ERBB3: variants seen among roughly 807,000 people sequenced by gnomAD.
ERBB3 encodes receptor tyrosine-protein kinase erbB-3.
In ERBB3, 96 loss-of-function variants were observed where a neutral mutation model predicts 156.7. The observed-to-expected ratio is 0.61, with a 90% confidence interval of 0.52 to 0.73. The LOEUF (loss-of-function observed/expected upper bound fraction) is 0.73, where lower values mean the gene tolerates loss of function less well. ERBB3 is among the 30% of genes least tolerant of loss of function. The probability of loss-of-function intolerance (pLI) is 0.00; values close to 1 mark genes in which losing one functional copy is unlikely to be tolerated. For missense variants in ERBB3, 1,406 were observed against 1,709.4 expected, an observed-to-expected ratio of 0.82 and a Z score of 3.13; for synonymous variants, 567 against 632.0, an observed-to-expected ratio of 0.90 and a Z score of 1.54.
rs2136788551 is a variant in ERBB3, at chr12:56,085,141, C to G, written c.381C>G (p.Ser127=). The part of the protein sequence containing the change: ...IFVMLNYNTN[S]SHALRQLRLT... ...TCATGTTGAACTATAACACCAACTCCAGCCACGCTCTGCGCCAGCTCCGCT... is the reference window on the plus strand; with the variant it reads ...TCATGTTGAACTATAACACCAACTCGAGCCACGCTCTGCGCCAGCTCCGCT... Residue 127 remains serine, a synonymous_variant, in exon 3 of 28, where the codon TCC becomes TCG. Coordinates refer to ENST00000267101, the MANE Select transcript of ERBB3 (RefSeq NM_001982.4). The G allele has an allele frequency of 1.2e-6, 2 of 1,614,096 alleles. No individual in the cohort carries two copies. The highest frequency in any genetic ancestry group is 1.7e-6 in the Non-Finnish European group (2 of 1,180,000).
rs1335319476 is a variant in ERBB3, at chr12:56,102,396, A to C, written c.*341A>C. On this transcript the variant is annotated 3_prime_UTR_variant, in exon 28 of 28. Transcript: ENST00000267101. ...CTCAGGCTCTTGACTACTTGGAACT[A>C]GGCTCTTATGTGTGCCTTTGTTTCC... 1 of 332,650 alleles carries C rather than the reference A, an allele frequency of 3.0e-6. No homozygotes were observed. 20.6% of individuals were successfully genotyped at this position (332,650 alleles called of 1,614,324 possible). A position where few individuals can be genotyped will look rare whatever the true frequency, so the allele number is the denominator to read the frequency against.
chr12:56,086,063 CAAA>C (rs56926853), intron 3 of ERBB3, among the ~76,000 whole-genome samples: 44,815 of 89,474 alleles, frequency 0.5, 9,897 homozygotes, highest in East Asian at 0.71. Flanking sequence ...AGCGAGACTC[CAAA>C]AAAAAAAAAA....
chr12:56,087,368 G>T (rs1448959873), intron 4 of ERBB3, among the ~76,000 whole-genome samples: 3 of 152,180 alleles, frequency 2.0e-5, no homozygotes, highest in Admixed American at 6.5e-5. Flanking sequence ...CCCTTCAGCT[G>T]CCCAGTGGGT....
intron 21 of ERBB3, chr12:56,098,292 C>G (rs907679755): frequency 1.2e-4 from 70 of 586,692 alleles, no homozygotes; most frequent in East Asian, 3.3e-4. Context: ...TGCATCTGTA[C>G]TCCCAGCTAC....
Position 56,103,408 on chromosome 12 carries a change from C to T in ERBB3, c.*1353C>T. ...AGCTTCAGCTGCACACCTCTGTCCCCTTGGATGGGGAACTAAGGGAAAACG... is the reference window on the plus strand; with the variant it reads ...AGCTTCAGCTGCACACCTCTGTCCCTTTGGATGGGGAACTAAGGGAAAACG... On this transcript the variant is annotated 3_prime_UTR_variant, in exon 28 of 28. Transcript: ENST00000267101. The T allele has an allele frequency of 4.6e-6, 1 of 216,296 alleles. No individual in the cohort carries two copies. The allele number at this position is 216,296 out of a possible 1,614,324, so 13.4% of individuals were successfully genotyped here.
In ERBB3 at chr12:56,099,688, A is replaced by G. The variant is rs1268984948; in HGVS notation, c.2880A>G (p.Glu960=). 1.9e-6 allele frequency: 3 copies of G among 1,614,080 alleles called. No homozygotes were observed. The highest frequency in any genetic ancestry group is 2.5e-6 in the Non-Finnish European group (3 of 1,180,032). The change falls in exon 24 of 28, where the codon GAA becomes GAG. Residue 960 remains glutamate (E), a synonymous_variant. Coordinates refer to ENST00000267101, the MANE Select transcript of ERBB3 (RefSeq NM_001982.4). The stretch of plus-strand genomic sequence containing the variant: ...AGAACATTCGCCCAACCTTTAAAGA[A>G]CTAGCCAATGAGTTCACCAGGATGG... ...IDENIRPTFK[E]LANEFTRMAR...
At chr12:56,086,757 G>A (rs1868501777) in intron 4 of ERBB3, 101 bp downstream of exon 4, 14 of 1,428,126 alleles carry the variant, frequency 9.8e-6, no homozygotes, top group Middle Eastern at 2.1e-4. Context: ...CGCCTCCCCA[G>A]TGAACAAACA....
At chr12:56,086,436 T>G in intron 3 of ERBB3, 95 bp from the exon 4 acceptor site, 1 of 1,443,106 alleles carries the variant, frequency 6.9e-7, no homozygotes, top group Non-Finnish European at 9.7e-7. Flanking sequence ...ATTCTCCCAC[T>G]CCTGAGTCTC....
intron 1 of ERBB3, among the ~76,000 whole-genome samples, chr12:56,082,346 G>C (rs1456441895): frequency 6.6e-6 from 1 of 152,144 alleles, no homozygotes. Context: ...GCCAGGAAGG[G>C]GATTGGGGTG....
chr12:56,081,900 C>T (rs1208906107), intron 1 of ERBB3, among the ~76,000 whole-genome samples: 1 of 152,094 alleles, frequency 6.6e-6, no homozygotes, highest in Non-Finnish European at 1.5e-5. Context: ...CCTATGCTCC[C>T]GGTTCCTGGG....
intron 13 of ERBB3, 69 bp from the exon 14 acceptor site, chr12:56,094,030 G>T: frequency 6.4e-7 from 1 of 1,558,890 alleles, no homozygotes; most frequent in African/African-American, 1.4e-5. Context: ...GAGACCTGTG[G>T]TTGTGAGATC....
At position 56,095,810 on chromosome 12, in the gene ERBB3, A is replaced by G. The variant is rs751355083; in HGVS notation, c.2055+4A>G. 12 of 1,614,146 alleles carry G rather than the reference A, an allele frequency of 7.4e-6. No individual in the cohort carries two copies. The South Asian group carries it at 9.9e-5, about 13-fold the overall frequency. On this transcript the variant is annotated splice_donor_region_variant and intron_variant, in intron 17 of 27. Coordinates refer to ENST00000267101, the MANE Select transcript of ERBB3 (RefSeq NM_001982.4). Reference sequence around the variant, plus strand: ...GCGATACTTGGAACGGGGTGAGGTGAGTACTTAGCTTACTTTTGTTTTTTC... The same window carrying G: ...GCGATACTTGGAACGGGGTGAGGTGGGTACTTAGCTTACTTTTGTTTTTTC...
In ERBB3 at chr12:56,102,035, GC is replaced by G. The variant is rs1390679869; in HGVS notation, c.4010del (p.Ala1337ValfsTer18). The stretch of plus-strand genomic sequence containing the variant: ...CTGGCATAGCAGGCTTTTCCCCAAG[GC>G]TAATGCCCAGAGAACGTAACTCCTG... The part of the protein sequence containing the change: ...DYWHSRLFPK[A>X]NAQRT On this transcript the variant is annotated frameshift_variant, in exon 28 of 28. Transcript: ENST00000267101. LOFTEE classifies it high-confidence loss of function. 1 of 1,610,528 alleles carries G rather than the reference GC, an allele frequency of 6.2e-7. No homozygotes were observed. Among genetic ancestry groups the G allele is most frequent in the African/African-American group, 1.3e-5 (1 of 74,786 alleles).
At position 56,101,645 on chromosome 12, in the gene ERBB3, A is replaced by G. The variant is rs1397239993; in HGVS notation, c.3619A>G (p.Ser1207Gly). Reference sequence around the variant, plus strand: ...ATACATGAACCGGAGGAGAAGGCACAGTCCACCTCATCCCCCTAGGCCAAG... The same window carrying G: ...ATACATGAACCGGAGGAGAAGGCACGGTCCACCTCATCCCCCTAGGCCAAG... Reference protein sequence around the residue: ...YEYMNRRRRHSPPHPPRPSSL... With the variant: ...YEYMNRRRRHGPPHPPRPSSL... The change falls in exon 28 of 28, where the codon AGT becomes GGT. Residue 1207 changes from serine (S) to glycine (G), a missense_variant. By Grantham distance (56) the Ser-to-Gly change is moderately conservative. This residue lies in a region of ERBB3 where 415 missense variants were observed against 454.1 expected (regional missense o/e 0.91). Coordinates refer to ENST00000267101, the MANE Select transcript of ERBB3 (RefSeq NM_001982.4). 2 of 1,614,068 alleles carry G rather than the reference A, an allele frequency of 1.2e-6. No homozygotes were observed. The highest frequency in any genetic ancestry group is 1.7e-6 in the Non-Finnish European group (2 of 1,180,018).
rs1453020865 is a variant in ERBB3 at position 56,082,453 on chromosome 12, G to A, written c.83-1298G>A. Among the ~76,000 whole-genome samples, 13 of 152,186 alleles carry A rather than the reference G, an allele frequency of 8.5e-5. No individual in the cohort carries two copies. In the East Asian group the frequency reaches 2.5e-3, roughly 29 times the overall value. On this transcript the variant is annotated intron_variant, in intron 1 of 27. Coordinates refer to ENST00000267101, the MANE Select transcript of ERBB3 (RefSeq NM_001982.4). ...CCTCTGGAACTAGCTCTCTTTGCTGGGACTAGCCAACCTTCATGGGGAGTG... is the reference window on the plus strand; with the variant it reads ...CCTCTGGAACTAGCTCTCTTTGCTGAGACTAGCCAACCTTCATGGGGAGTG...
chr12:56,090,435 A>G (rs951798254), intron 9 of ERBB3, among the ~76,000 whole-genome samples: 1 of 151,700 alleles, frequency 6.6e-6, no homozygotes, highest in Non-Finnish European at 1.5e-5. Context: ...CACGAGGTCA[A>G]GAGATTGAGA....
chr12:56,094,057 G>T, intron 13 of ERBB3, 42 bp from the exon 14 acceptor site: 1 of 1,579,442 alleles, frequency 6.3e-7, no homozygotes, highest in South Asian at 1.1e-5. Flanking sequence ...TGAAGGTCAG[G>T]ACTTGGAAGT....
Position 56,101,235 on chromosome 12 carries a change from C to A in ERBB3, c.3376C>A (p.Pro1126Thr). ...CCGGAGCAGGAGCCGGAGCCCACGGCCACGCGGAGATAGCGCCTACCATTC... is the reference window on the plus strand; with the variant it reads ...CCGGAGCAGGAGCCGGAGCCCACGGACACGCGGAGATAGCGCCTACCATTC... ...RSRSRSRSPR[P>T]RGDSAYHSQR... is the part of the protein sequence containing the mutation. The change falls in exon 27 of 28, where the codon CCA (proline) becomes ACA (threonine). Residue 1126 changes from proline (P) to threonine (T), a missense_variant. Physicochemically the swap from Pro to Thr is conservative, Grantham distance 38. Transcript: ENST00000267101. 1 of 1,613,906 alleles carries A rather than the reference C, an allele frequency of 6.2e-7. No homozygotes were observed. The highest frequency in any genetic ancestry group is 1.1e-5 in the South Asian group (1 of 91,068).
chr12:56,101,046 T>C lies in ERBB3; in HGVS notation c.3202-15T>C, dbSNP rs1869074959. 1.2e-6 allele frequency: 2 copies of C among 1,610,046 alleles called. No homozygotes were observed. The highest frequency in any genetic ancestry group is 1.7e-6 in the Non-Finnish European group (2 of 1,177,894). On this transcript the variant is annotated splice_polypyrimidine_tract_variant and intron_variant, in intron 26 of 27. Transcript: ENST00000267101. The stretch of plus-strand genomic sequence containing the variant: ...AAATTTCCTTGCATTATTTTCTGTT[T>C]ATTTTCTTCCTTAGGAGTCTGCAGT...
Sources: allele counts gnomAD v4.1 joint callset (sites outside exome capture counted in the v4.1 genomes callset), GRCh38; gene constraint gnomAD v4.1.1; regional missense constraint gnomAD v4.1.1; transcripts MANE v1.5; gene names NCBI Gene and HGNC (gene_info 2026-07-23, HGNC 2026-07-21).